Variants in HS6ST3 observed in about 807,000 individuals in gnomAD.
The protein encoded by HS6ST3 is heparan sulfate 6-O-sulfotransferase 3, also known as heparan-sulfate 6-O-sulfotransferase 3.
In HS6ST3, 12 loss-of-function variants were observed where a neutral mutation model predicts 36.7. That is an observed-to-expected ratio of 0.33 (90% CI 0.21 to 0.53). The LOEUF (loss-of-function observed/expected upper bound fraction) is 0.53, where lower values mean the gene tolerates loss of function less well. Ranked by LOEUF, HS6ST3 falls within the 20% of genes least tolerant of loss-of-function variation. The probability of loss-of-function intolerance (pLI) is 0.95; values close to 1 mark genes in which losing one functional copy is unlikely to be tolerated. For missense variants in HS6ST3, 584 were observed against 640.9 expected (o/e 0.91, Z 0.96); for synonymous variants, 240 against 257.5 (o/e 0.93, Z 0.65).
chr13:96,474,003 C>T (rs183114693), intron 1 of HS6ST3, among the ~76,000 whole-genome samples: 5 of 152,260 alleles, frequency 3.3e-5, no homozygotes, highest in Non-Finnish European at 2.9e-5. Context: ...CCTGTGTTGT[C>T]GCTTGGCTTT....
chr13:96,649,970 G>C (rs1194885235), intron 1 of HS6ST3, among the ~76,000 whole-genome samples: 1 of 151,854 alleles, frequency 6.6e-6, no homozygotes, highest in South Asian at 2.1e-4. Flanking sequence ...AACTTCACAA[G>C]CTCCTGTAAG....
At chr13:96,824,330 G>A (rs1878604996) in intron 1 of HS6ST3, among the ~76,000 whole-genome samples, 1 of 152,220 alleles carries the variant, frequency 6.6e-6, no homozygotes, top group African/African-American at 2.4e-5. Flanking sequence ...TCATGTTGCG[G>A]ACACCCTCGG....
rs148148740 is a variant in HS6ST3 at position 96,310,755 on chromosome 13, C to T, written c.707+219186C>T. ...CGTGCATCACAACATACTGCATCCA[C>T]GTACTCCTTTATTGTATGTGGCATT... is the stretch of plus-strand genomic sequence containing the variant. On this transcript the variant is annotated intron_variant, in intron 1 of 1. Coordinates refer to ENST00000376705, the MANE Select transcript of HS6ST3 (RefSeq NM_153456.4). Among the ~76,000 whole-genome samples the T allele has an allele frequency of 1.7e-3, 266 of 152,042 alleles. 2 individuals are homozygous for T. Among genetic ancestry groups the T allele is most frequent in the African/African-American group, 4.9e-3 (205 of 41,464 alleles).
At chr13:96,185,651 G>T (rs192896423) in intron 1 of HS6ST3, among the ~76,000 whole-genome samples, 1 of 152,258 alleles carries the variant, frequency 6.6e-6, no homozygotes, top group African/African-American at 2.4e-5. Context: ...GTTATTAATT[G>T]TCTAAATGCT....
chr13:96,440,233 G>A (rs2139479729), intron 1 of HS6ST3, among the ~76,000 whole-genome samples: 1 of 152,246 alleles, frequency 6.6e-6, no homozygotes, highest in African/African-American at 2.4e-5. Flanking sequence ...GATCACTTGA[G>A]GTCAGGAGTT....
chr13:96,565,803 TC>T (rs1216039070), intron 1 of HS6ST3, among the ~76,000 whole-genome samples: 1 of 151,736 alleles, frequency 6.6e-6, no homozygotes, highest in African/African-American at 2.4e-5. Context: ...CATAATAAGA[TC>T]CCCCCTACCC....
chr13:96,332,692 G>A (rs573262353), intron 1 of HS6ST3, among the ~76,000 whole-genome samples: 6 of 152,324 alleles, frequency 3.9e-5, no homozygotes, highest in Non-Finnish European at 5.9e-5. Context: ...GGATTGCAAC[G>A]AAACAAAATG....
At chr13:96,529,063 T>A (rs554484945) in intron 1 of HS6ST3, among the ~76,000 whole-genome samples, 4 of 152,316 alleles carry the variant, frequency 2.6e-5, no homozygotes, top group Non-Finnish European at 5.9e-5. Flanking sequence ...GTATCATTTT[T>A]AATTTCAAAT....
chr13:96,416,862 C>T (rs184001032), intron 1 of HS6ST3, among the ~76,000 whole-genome samples: 99 of 151,792 alleles, frequency 6.5e-4, no homozygotes, highest in Admixed American at 2.5e-3. Flanking sequence ...ACGCCATTCT[C>T]TTGCCTCAGG....
At chr13:96,722,176 C>T (rs896584055) in intron 1 of HS6ST3, among the ~76,000 whole-genome samples, 2 of 152,028 alleles carry the variant, frequency 1.3e-5, no homozygotes, top group Non-Finnish European at 2.9e-5. Context: ...GAGACAGGAT[C>T]ATCACTTGAA....
chr13:96,484,487 C>A (rs1421433912), intron 1 of HS6ST3, among the ~76,000 whole-genome samples: 1 of 152,114 alleles, frequency 6.6e-6, no homozygotes, highest in African/African-American at 2.4e-5. Context: ...AACTTTGTAT[C>A]CTTTGACCAA....
intron 1 of HS6ST3, among the ~76,000 whole-genome samples, chr13:96,323,267 A>G (rs987309620): frequency 5.3e-5 from 8 of 152,188 alleles, no homozygotes; most frequent in African/African-American, 1.9e-4. Flanking sequence ...TACTCCTTCC[A>G]CAGTCATCCC....
At chr13:96,496,160 C>T (rs552616381) in intron 1 of HS6ST3, among the ~76,000 whole-genome samples, 7 of 152,324 alleles carry the variant, frequency 4.6e-5, no homozygotes, top group South Asian at 2.1e-4. Context: ...CCTTTTTCAT[C>T]CCATTCCTAA....
intron 1 of HS6ST3, among the ~76,000 whole-genome samples, chr13:96,805,949 C>T (rs1248870764): frequency 2.0e-5 from 3 of 152,176 alleles, no homozygotes; most frequent in African/African-American, 7.2e-5. Flanking sequence ...CTCTAATGCT[C>T]TGGCTTAACC....
chr13:96,171,470 G>T (rs75674569), intron 1 of HS6ST3, among the ~76,000 whole-genome samples: 2 of 151,992 alleles, frequency 1.3e-5, no homozygotes, highest in Non-Finnish European at 2.9e-5. Flanking sequence ...GCTTGCTCAG[G>T]CCTCTCGGGT....
chr13:96,381,402 G>GTATCTATCTATCTATCTATC lies in HS6ST3; in HGVS notation c.707+289840_707+289841insCTATCTATCTATCTATCTAT, dbSNP rs1278427681. Among the ~76,000 whole-genome samples the GTATCTATCTATCTATCTATC allele has an allele frequency of 3.3e-4, 18 of 54,710 alleles. 1 individual carries two copies. Among genetic ancestry groups the GTATCTATCTATCTATCTATC allele is most frequent in the African/African-American group, 7.3e-4 (15 of 20,542 alleles). The allele number at this position is 54,710 out of a possible 152,430, so 35.9% of individuals were successfully genotyped here. A position where few individuals can be genotyped will look rare whatever the true frequency, so the allele number is the denominator to read the frequency against. ...TCTATCTATGTATCTATGTATCTAT[G>GTATCTATCTATCTATCTATC]TATCTATGTATCTATCTATCTATCT... is the stretch of plus-strand genomic sequence containing the variant. On this transcript the variant is annotated intron_variant, in intron 1 of 1. Transcript: ENST00000376705.
chr13:96,510,187 G>A (rs2056043825), intron 1 of HS6ST3, among the ~76,000 whole-genome samples: 1 of 151,488 alleles, frequency 6.6e-6, no homozygotes, highest in African/African-American at 2.4e-5. Flanking sequence ...TTGATTCACA[G>A]CTTGGTCATT....
At chr13:96,705,792 G>T (rs1445088279) in intron 1 of HS6ST3, among the ~76,000 whole-genome samples, 1 of 152,176 alleles carries the variant, frequency 6.6e-6, no homozygotes, top group Non-Finnish European at 1.5e-5. Context: ...CTCCAAGGCA[G>T]CATGCTCAGT....
chr13:96,543,262 C>A (rs891033308), intron 1 of HS6ST3, among the ~76,000 whole-genome samples: 4 of 152,180 alleles, frequency 2.6e-5, no homozygotes, highest in Non-Finnish European at 5.9e-5. Context: ...CATCCTCCCC[C>A]AGGTCTGATT....
Sources: allele counts gnomAD v4.1 joint callset (sites outside exome capture counted in the v4.1 genomes callset), GRCh38; gene constraint gnomAD v4.1.1; transcripts MANE v1.5; gene names NCBI Gene and HGNC (gene_info 2026-07-23, HGNC 2026-07-21).